The following DLG2 variants were observed in gnomAD, a reference collection of about 807,000 sequenced individuals.
DLG2 encodes the protein disks large homolog 2.
A neutral mutation model predicts 132.5 loss-of-function variants in DLG2; 45 were observed. That is an observed-to-expected ratio of 0.34 (90% confidence interval 0.27 to 0.44). DLG2 has a LOEUF of 0.44. Among genes scored for constraint, DLG2 ranks in the 20% least tolerant of loss-of-function variants. The pLI is 1.00. For missense variants in DLG2, 1,045 were observed against 1,196.9 expected (o/e 0.87, Z 1.87); for synonymous variants, 424 against 419.6 (o/e 1.01, Z -0.13).
intron 10 of DLG2, among the ~76,000 whole-genome samples, chr11:84,090,772 T>C (rs1256159746): frequency 2.6e-5 from 4 of 152,218 alleles, no homozygotes; most frequent in African/African-American, 4.8e-5. Flanking sequence ...AGTAGAAATA[T>C]ATACTAAGGA....
chr11:85,110,039 G>A lies in DLG2; in HGVS notation c.357+1622C>T, dbSNP rs1187900231. On this transcript the variant is annotated intron_variant, in intron 6 of 27. Transcript: ENST00000376104. ...CCCAGAATTTCTGCCATGTACCAGG[G>A]ATTTTACTAGCTGTGGATATACTAG... Among the ~76,000 whole-genome samples the A allele has an allele frequency of 2.0e-5, 3 of 152,104 alleles. No homozygotes were observed. In the East Asian group the frequency reaches 5.8e-4, roughly 29 times the overall value.
At chr11:83,672,472 C>T (rs889856293) in intron 18 of DLG2, among the ~76,000 whole-genome samples, 4 of 152,154 alleles carry the variant, frequency 2.6e-5, no homozygotes, top group Admixed American at 2.6e-4. Context: ...CCACCGTGCC[C>T]GGCCTCCTTG....
At chr11:85,460,048 T>C (rs1266758582) in intron 3 of DLG2, among the ~76,000 whole-genome samples, 3 of 152,038 alleles carry the variant, frequency 2.0e-5, no homozygotes, top group Non-Finnish European at 2.9e-5. Context: ...TTCTGGGAGC[T>C]CCATCCCAGG....
chr11:84,309,040 C>T (rs1273969908), intron 7 of DLG2, among the ~76,000 whole-genome samples: 8 of 152,176 alleles, frequency 5.3e-5, no homozygotes, highest in African/African-American at 1.9e-4. Context: ...GGTGCCCAGG[C>T]AGAGGAGGCA....
intron 7 of DLG2, among the ~76,000 whole-genome samples, chr11:84,355,758 A>C (rs2098607711): frequency 6.6e-6 from 1 of 152,120 alleles, no homozygotes; most frequent in South Asian, 2.1e-4. Flanking sequence ...TAAAGATTTG[A>C]AGTAAATGAG....
At chr11:83,470,096 C>T (rs1301721246) in intron 24 of DLG2, among the ~76,000 whole-genome samples, 1 of 151,862 alleles carries the variant, frequency 6.6e-6, no homozygotes, top group Non-Finnish European at 1.5e-5. Flanking sequence ...ATGATCAAAA[C>T]TTCAGATACA....
chr11:83,672,403 C>T (rs2076984650), intron 18 of DLG2, among the ~76,000 whole-genome samples: 1 of 152,128 alleles, frequency 6.6e-6, no homozygotes, highest in East Asian at 1.9e-4. Context: ...TCTCAAACTC[C>T]TGACCTCAGG....
At chr11:84,960,595 C>G (rs937820627) in intron 6 of DLG2, among the ~76,000 whole-genome samples, 1 of 152,008 alleles carries the variant, frequency 6.6e-6, no homozygotes, top group Admixed American at 6.6e-5. Context: ...ACCACCATGC[C>G]TGGCTAATTT....
intron 7 of DLG2, among the ~76,000 whole-genome samples, chr11:84,254,568 G>T (rs2097435258): frequency 6.6e-6 from 1 of 152,140 alleles, no homozygotes; most frequent in Non-Finnish European, 1.5e-5. Flanking sequence ...CACTTCTAAA[G>T]AACTGGAACC....
intron 3 of DLG2, among the ~76,000 whole-genome samples, chr11:85,515,407 T>C (rs1199234726): frequency 6.6e-6 from 1 of 151,986 alleles, no homozygotes; most frequent in African/African-American, 2.4e-5. Context: ...CCTGATTGAA[T>C]CTCTGTTCCA....
chr11:84,408,582 A>G (rs543734274), intron 7 of DLG2, among the ~76,000 whole-genome samples: 1 of 152,264 alleles, frequency 6.6e-6, no homozygotes, highest in East Asian at 1.9e-4. Flanking sequence ...AAATAATTAT[A>G]ATTCAAGGTA....
At chr11:83,616,500 GT>G (rs34592902) in intron 19 of DLG2, among the ~76,000 whole-genome samples, 10 of 149,894 alleles carry the variant, frequency 6.7e-5, no homozygotes, top group East Asian at 2.0e-4. Flanking sequence ...AAAAAAAAAT[GT>G]TTTTTTTTTC....
chr11:83,684,820 T>A (rs952565239), intron 18 of DLG2, among the ~76,000 whole-genome samples: 6 of 152,144 alleles, frequency 3.9e-5, no homozygotes, highest in Non-Finnish European at 8.8e-5. Context: ...ACCACCATCA[T>A]TCCATGAAAA....
At chr11:84,220,956 G>GTTTTT (rs376056448) in intron 8 of DLG2, among the ~76,000 whole-genome samples, 1 of 125,822 alleles carries the variant, frequency 7.9e-6, no homozygotes, top group African/African-American at 2.9e-5. Context: ...CCCAGCTGAT[G>GTTTTT]TTTTTTTTTT....
intron 16 of DLG2, among the ~76,000 whole-genome samples, chr11:83,866,190 C>T (rs553829967): frequency 6.6e-6 from 1 of 152,196 alleles, no homozygotes; most frequent in African/African-American, 2.4e-5. Context: ...GTCTGCTTTG[C>T]TCATCATTAT....
At chr11:84,856,982 C>T (rs2082875892) in intron 6 of DLG2, among the ~76,000 whole-genome samples, 1 of 151,740 alleles carries the variant, frequency 6.6e-6, no homozygotes, top group African/African-American at 2.4e-5. Flanking sequence ...GAGATCATTT[C>T]TATAGGAGAG....
chr11:84,064,269 T>C (rs2096637554), intron 10 of DLG2, among the ~76,000 whole-genome samples: 1 of 152,228 alleles, frequency 6.6e-6, no homozygotes. Context: ...TAAAACACAC[T>C]GAAGAGAAAG....
At chr11:85,149,034 G>A (rs1313521469) in intron 5 of DLG2, among the ~76,000 whole-genome samples, 1 of 152,070 alleles carries the variant, frequency 6.6e-6, no homozygotes, top group Non-Finnish European at 1.5e-5. Flanking sequence ...GCTTTTGTCT[G>A]GTTTGTTAAA....
intron 8 of DLG2, among the ~76,000 whole-genome samples, chr11:84,200,526 T>C (rs1232758697): frequency 6.6e-6 from 1 of 152,206 alleles, no homozygotes; most frequent in East Asian, 1.9e-4. Context: ...ATTTTATAAA[T>C]TGCTTTGGGC....
Sources: allele counts gnomAD v4.1 joint callset (sites outside exome capture counted in the v4.1 genomes callset), GRCh38; gene constraint gnomAD v4.1.1; transcripts MANE v1.5; gene names NCBI Gene and HGNC (gene_info 2026-07-23, HGNC 2026-07-21).